Variants in C1QTNF3 observed in about 807,000 individuals in gnomAD.
C1QTNF3 encodes complement C1q tumor necrosis factor-related protein 3.
A neutral mutation model predicts 32.6 loss-of-function variants in C1QTNF3; 26 were observed. The ratio of observed to expected loss-of-function variants is 0.80; its 90% CI spans 0.58 to 1.11. The LOEUF is 1.11. Ranked by LOEUF, C1QTNF3 falls within the 50% of genes least tolerant of loss-of-function variation. The pLI is 0.00. For synonymous variants in C1QTNF3, 155 were observed against 146.0 expected (o/e 1.06, Z -0.44); for missense variants, 362 against 398.2 (o/e 0.91, Z 0.77).
the C1QTNF3 span, among the ~76,000 whole-genome samples, chr5:34,096,538 TAC>T: frequency 2.2e-5 from 3 of 136,536 alleles, no homozygotes; most frequent in Non-Finnish European, 4.7e-5. Context: ...CCGCCATAAT[TAC>T]AATAATAATA....
chr5:34,131,421 A>AC, the C1QTNF3 span, among the ~76,000 whole-genome samples: 3 of 151,704 alleles, frequency 2.0e-5, no homozygotes, highest in African/African-American at 7.3e-5. Flanking sequence ...AAAATATCCT[A>AC]CATTATACAC....
At chr5:34,222,471 A>G in the C1QTNF3 span, among the ~76,000 whole-genome samples, 1 of 151,716 alleles carries the variant, frequency 6.6e-6, no homozygotes, top group Non-Finnish European at 1.5e-5. Flanking sequence ...TATTAAATGA[A>G]AAGTATATTA....
intron 4 of C1QTNF3, among the ~76,000 whole-genome samples, chr5:34,027,735 CAAAAA>C (rs34375086): frequency 1.2e-5 from 1 of 81,092 alleles, no homozygotes; most frequent in South Asian, 4.5e-4. Flanking sequence ...CCACCACCAC[CAAAAA>C]AAAAAAAAAA....
upstream of C1QTNF3, among the ~76,000 whole-genome samples, chr5:34,045,890 A>C (rs936457493): frequency 3.9e-5 from 6 of 152,166 alleles, no homozygotes; most frequent in African/African-American, 1.4e-4. Context: ...CCCCCAAAAG[A>C]AACTTAAGTC....
the C1QTNF3 span, among the ~76,000 whole-genome samples, chr5:34,153,689 C>A: frequency 1.1e-5 from 1 of 90,848 alleles, no homozygotes; most frequent in African/African-American, 4.3e-5. Flanking sequence ...GGGAATATCA[C>A]ACTCTGGGGA....
the C1QTNF3 span, among the ~76,000 whole-genome samples, chr5:34,113,862 C>T: frequency 3.3e-5 from 5 of 152,054 alleles, no homozygotes; most frequent in African/African-American, 4.8e-5. Flanking sequence ...AAAGAGCATG[C>T]GAATGCAAAA....
chr5:34,099,154 C>T, the C1QTNF3 span, among the ~76,000 whole-genome samples: 1 of 151,766 alleles, frequency 6.6e-6, no homozygotes, highest in Non-Finnish European at 1.5e-5. Flanking sequence ...ATGCATGTGA[C>T]TTGTTAAGTA....
chr5:34,178,394 C>T, the C1QTNF3 span, among the ~76,000 whole-genome samples: 13 of 152,276 alleles, frequency 8.5e-5, no homozygotes, highest in South Asian at 2.1e-4. Context: ...TCTGTAAGCA[C>T]GATAAATTTA....
At chr5:34,219,348 AT>A in the C1QTNF3 span, among the ~76,000 whole-genome samples, 2 of 151,620 alleles carry the variant, frequency 1.3e-5, no homozygotes, top group African/African-American at 4.8e-5. Context: ...CAATATTAAA[AT>A]TTTTTTCTTG....
the C1QTNF3 span, among the ~76,000 whole-genome samples, chr5:34,083,038 TAGTA>T: frequency 6.6e-6 from 1 of 151,444 alleles, no homozygotes; most frequent in Non-Finnish European, 1.5e-5. Flanking sequence ...TAAGGTGATC[TAGTA>T]AGTGACAAAG....
At chr5:34,021,390 CTT>C (rs1754325309) in intron 5 of C1QTNF3, among the ~76,000 whole-genome samples, 2 of 152,200 alleles carry the variant, frequency 1.3e-5, no homozygotes, top group South Asian at 4.1e-4. Flanking sequence ...CCAAAGTACT[CTT>C]TGCTGCTTTT....
chr5:34,053,353 C>T, the C1QTNF3 span, among the ~76,000 whole-genome samples: 1 of 152,176 alleles, frequency 6.6e-6, no homozygotes, highest in Non-Finnish European at 1.5e-5. Flanking sequence ...TTATTCTGAG[C>T]CTTAAACTAG....
the C1QTNF3 span, among the ~76,000 whole-genome samples, chr5:34,202,808 T>C: frequency 2.0e-5 from 3 of 152,152 alleles, no homozygotes. Context: ...TTTTGTTTTT[T>C]TTTTCCCTGC....
At chr5:34,221,806 A>C in the C1QTNF3 span, among the ~76,000 whole-genome samples, 34 of 152,082 alleles carry the variant, frequency 2.2e-4, no homozygotes, top group African/African-American at 8.0e-4. Context: ...CCTGGATTTC[A>C]AAATTCTTTC....
At chr5:34,119,497 T>A in the C1QTNF3 span, among the ~76,000 whole-genome samples, 1 of 152,178 alleles carries the variant, frequency 6.6e-6, no homozygotes, top group Non-Finnish European at 1.5e-5. Flanking sequence ...CTGTATTGTT[T>A]TCTATTGCAG....
At chr5:34,069,724 TATTC>T in the C1QTNF3 span, among the ~76,000 whole-genome samples, 1 of 152,220 alleles carries the variant, frequency 6.6e-6, no homozygotes, top group African/African-American at 2.4e-5. Context: ...CATTGGTAGA[TATTC>T]ATACAGACAT....
the C1QTNF3 span, among the ~76,000 whole-genome samples, chr5:34,212,193 C>A: frequency 6.6e-6 from 1 of 151,168 alleles, no homozygotes; most frequent in Non-Finnish European, 1.5e-5. Context: ...GGAAAACTGG[C>A]TAGTCATATG....
chr5:34,018,904 A>G lies in C1QTNF3; in HGVS notation c.*1679T>C, dbSNP rs999888231. On this transcript the variant is annotated 3_prime_UTR_variant, in exon 6 of 6. Coordinates refer to ENST00000382065, the MANE Select transcript of C1QTNF3 (RefSeq NM_181435.6). The stretch of plus-strand genomic sequence containing the variant: ...CACTTTGGAAGACCGAGGCAGGCAG[A>G]TCACCTGAGGTCAGGAGTTCCAGAC... 6.6e-6 allele frequency among the ~76,000 whole-genome samples: 1 copy of G among 152,066 alleles called. No homozygotes were observed. Among genetic ancestry groups the G allele is most frequent in the Non-Finnish European group, 1.5e-5 (1 of 68,026 alleles).
the C1QTNF3 span, among the ~76,000 whole-genome samples, chr5:34,197,384 A>C: frequency 1.3e-5 from 2 of 152,254 alleles, no homozygotes; most frequent in Admixed American, 1.3e-4. Flanking sequence ...ATGCTGTCAC[A>C]GGTGCCATTC....
Sources: gnomAD v4.1 joint callset for allele counts (sites outside exome capture counted in the v4.1 genomes callset) on GRCh38, gnomAD v4.1.1 for gene constraint, MANE v1.5 for transcripts, NCBI Gene and HGNC (gene_info 2026-07-23, HGNC 2026-07-21) for gene names.